The following YWHAZ variants were observed in gnomAD, a reference collection of about 807,000 sequenced individuals.
YWHAZ encodes the protein 14-3-3 protein zeta/delta.
For synonymous variants in YWHAZ, 87 were observed against 103.6 expected, an observed-to-expected ratio of 0.84 and a Z score of 0.97; for missense variants, 79 against 284.8, an observed-to-expected ratio of 0.28 and a Z score of 5.20.
chr8:100,946,362 C>T (rs955358463), intron 2 of YWHAZ, among the ~76,000 whole-genome samples: 1 of 152,090 alleles, frequency 6.6e-6, no homozygotes, highest in African/African-American at 2.4e-5. Context: ...CCAGCCTGGC[C>T]GACAAGGTGA....
rs370844667 is a variant in YWHAZ at position 100,941,360 on chromosome 8, G to T, written c.294+7236C>A. Reference sequence around the variant, plus strand: ...TGGATCAACAAATAGGTCTGTCTCAGAAAAGCGTTTGTAATTAATCACTTA... The same window carrying T: ...TGGATCAACAAATAGGTCTGTCTCATAAAAGCGTTTGTAATTAATCACTTA... On this transcript the variant is annotated intron_variant, in intron 2 of 5. Coordinates refer to ENST00000395958, the MANE Select transcript of YWHAZ (RefSeq NM_145690.3). Among the ~76,000 whole-genome samples, 24 of 152,306 alleles carry T rather than the reference G, an allele frequency of 1.6e-4. No homozygotes were observed. In the South Asian group the frequency reaches 5.0e-3, roughly 32 times the overall value.
chr8:100,952,580 G>A (rs1175016917), upstream of YWHAZ: 2 of 178,958 alleles, frequency 1.1e-5, no homozygotes, highest in Non-Finnish European at 2.2e-5. Flanking sequence ...CCTCCCCGAG[G>A]CCCGGCCCGC....
chr8:100,942,447 A>G (rs1381576775), intron 2 of YWHAZ, among the ~76,000 whole-genome samples: 1 of 152,226 alleles, frequency 6.6e-6, no homozygotes, highest in African/African-American at 2.4e-5. Context: ...ATAGAAATAC[A>G]CATAATAAAA....
chr8:100,931,968 AT>A (rs1813795637), intron 2 of YWHAZ: 1 of 152,208 alleles, frequency 6.6e-6, no homozygotes, highest in Admixed American at 6.5e-5. Context: ...TTTAGTATTT[AT>A]TTTCTCTTTT....
intron 2 of YWHAZ, among the ~76,000 whole-genome samples, chr8:100,931,373 A>G (rs1163414387): frequency 6.6e-6 from 1 of 152,182 alleles, no homozygotes; most frequent in Non-Finnish European, 1.5e-5. Context: ...TCCTAATGAA[A>G]AGTTAATGAA....
intron 2 of YWHAZ, among the ~76,000 whole-genome samples, chr8:100,945,210 T>A (rs1182312380): frequency 6.6e-6 from 1 of 152,228 alleles, no homozygotes; most frequent in Admixed American, 6.5e-5. Flanking sequence ...GTGAAGAGCA[T>A]GCCAGTGACC....
rs542596881 is a variant in YWHAZ, at chr8:100,918,010, G to C, written c.*2683C>G. ...TCAGATGACTGATGCACATTAAATA[G>C]GCAAATGTGCCAAGTTTCAGGTTTT... On this transcript the variant is annotated 3_prime_UTR_variant, in exon 6 of 6. Transcript: ENST00000395958. 1.3e-5 allele frequency: 2 copies of C among 152,100 alleles called. No homozygotes were observed. Among genetic ancestry groups the C allele is most frequent in the South Asian group, 4.2e-4 (2 of 4,814 alleles). The allele number at this position is 152,100 out of a possible 1,614,324, so 9.4% of individuals were successfully genotyped here. A position where few individuals can be genotyped will look rare whatever the true frequency, so the allele number is the denominator to read the frequency against.
At chr8:100,939,169 C>T (rs749005482) in intron 2 of YWHAZ, among the ~76,000 whole-genome samples, 7 of 152,022 alleles carry the variant, frequency 4.6e-5, no homozygotes, top group Admixed American at 1.3e-4. Flanking sequence ...TACCCCAAAA[C>T]AAAAGATACC....
chr8:100,936,394 T>C (rs965251960), intron 2 of YWHAZ, among the ~76,000 whole-genome samples: 3 of 152,214 alleles, frequency 2.0e-5, no homozygotes, highest in Non-Finnish European at 4.4e-5. Flanking sequence ...CATAATGCAC[T>C]ATCTAAATAT....
Position 100,948,679 on chromosome 8 carries a change from C to T in YWHAZ, c.211G>A (p.Gly71Ser). The T allele has an allele frequency of 3.7e-6, 6 of 1,605,796 alleles. No homozygotes were observed. The highest frequency in any genetic ancestry group is 5.1e-6 in the Non-Finnish European group (6 of 1,179,828). ...GCCATCTGCTGTTTTTTCTCAGCAC[C>T]TTCCGTCTTTTGTTCAATACTTGAG... is the stretch of plus-strand genomic sequence containing the variant. ...VVSSIEQKTE[G>S]AEKKQQMARE... Residue 71 changes from glycine (G) to serine (S), a missense_variant, in exon 2 of 6, where the codon GGT (glycine) becomes AGT (serine). Gly to Ser is a moderately conservative substitution (Grantham distance 56, BLOSUM62 0). Coordinates refer to ENST00000395958, the MANE Select transcript of YWHAZ (RefSeq NM_145690.3). The surrounding 1 kb of genome is among the most constrained non-coding windows in gnomAD (Gnocchi z 4.2).
At position 100,917,767 on chromosome 8, in the gene YWHAZ, TG is replaced by T. The variant is rs1252859226; in HGVS notation, c.*2925del. On this transcript the variant is annotated 3_prime_UTR_variant, in exon 6 of 6. Transcript: ENST00000395958. ...CAGTACTTTACACACAAAAAGTCAT[TG>T]GATTTTCCAATTTCCTGGCACTAGG... 1 of 152,156 alleles carries T rather than the reference TG, an allele frequency of 6.6e-6. No homozygotes were observed. Among genetic ancestry groups the T allele is most frequent in the Non-Finnish European group, 1.5e-5 (1 of 68,020 alleles). 9.4% of individuals were successfully genotyped at this position (152,156 alleles called of 1,614,324 possible). A position where few individuals can be genotyped will look rare whatever the true frequency, so the allele number is the denominator to read the frequency against.
At chr8:100,932,071 C>T (rs1813802498) in intron 2 of YWHAZ, 2 of 152,192 alleles carry the variant, frequency 1.3e-5, no homozygotes, top group East Asian at 1.9e-4. Flanking sequence ...ACTCTGAAAT[C>T]TTCCTGGGTC....
chr8:100,934,424 G>A (rs1813990826), intron 2 of YWHAZ, among the ~76,000 whole-genome samples: 4 of 150,644 alleles, frequency 2.7e-5, no homozygotes, highest in Admixed American at 1.3e-4. Flanking sequence ...GGTACGGGCT[G>A]GTTGTGGTGG....
intron 2 of YWHAZ, among the ~76,000 whole-genome samples, chr8:100,947,427 C>T (rs1182209576): frequency 6.6e-6 from 1 of 151,926 alleles, no homozygotes; most frequent in African/African-American, 2.4e-5. Flanking sequence ...CAAAAAAATG[C>T]CCCAAGACAG....
At chr8:100,928,259 AAC>A (rs1432853487) in intron 2 of YWHAZ, among the ~76,000 whole-genome samples, 1 of 151,584 alleles carries the variant, frequency 6.6e-6, no homozygotes, top group Non-Finnish European at 1.5e-5. Context: ...CAGCCTGGGC[AAC>A]AGAGTGAGAC....
intron 2 of YWHAZ, among the ~76,000 whole-genome samples, chr8:100,937,528 T>C (rs1814241684): frequency 1.3e-5 from 2 of 152,178 alleles, no homozygotes; most frequent in African/African-American, 4.8e-5. Flanking sequence ...AGCAAAACAA[T>C]CAACCTCTAT....
intron 2 of YWHAZ, among the ~76,000 whole-genome samples, chr8:100,931,178 G>C (rs779507999): frequency 7.2e-5 from 11 of 152,184 alleles, no homozygotes; most frequent in Non-Finnish European, 1.3e-4. Flanking sequence ...GTTTCCAAAA[G>C]ATGCCTTAAT....
intron 2 of YWHAZ, among the ~76,000 whole-genome samples, chr8:100,937,140 C>T (rs536904189): frequency 6.6e-6 from 1 of 152,248 alleles, no homozygotes; most frequent in Non-Finnish European, 1.5e-5. Context: ...GACAATCTGG[C>T]AAAATATATG....
intron 2 of YWHAZ, among the ~76,000 whole-genome samples, chr8:100,932,926 C>G (rs2130203526): frequency 6.6e-6 from 1 of 152,180 alleles, no homozygotes; most frequent in East Asian, 1.9e-4. Flanking sequence ...TAAAGAAATA[C>G]AATAATCACT....
Sources: gnomAD v4.1 joint callset for allele counts (sites outside exome capture counted in the v4.1 genomes callset) on GRCh38, gnomAD v4.1.1 for gene constraint, Gnocchi (gnomAD v3.1) non-coding constraint, MANE v1.5 for transcripts, NCBI Gene and HGNC (gene_info 2026-07-23, HGNC 2026-07-21) for gene names.